DPYD: variants seen among roughly 807,000 people sequenced by gnomAD.
DPYD encodes the protein dihydropyrimidine dehydrogenase [NADP(+)].
Under a neutral mutation model 116.2 loss-of-function variants are expected in DPYD, and 109 were observed. The ratio of observed to expected loss-of-function variants is 0.94; its 90% CI spans 0.80 to 1.10. The LOEUF (loss-of-function observed/expected upper bound fraction) is 1.10, where lower values mean the gene tolerates loss of function less well. Ranked by LOEUF, DPYD falls within the 50% of genes least tolerant of loss-of-function variation. The pLI, the probability that DPYD is intolerant of heterozygous loss-of-function variation, is 0.00. For missense variants in DPYD, 1,302 were observed against 1,254.5 expected (o/e 1.04, Z -0.57); for synonymous variants, 440 against 432.0 (o/e 1.02, Z -0.23).
At chr1:97,873,782 C>A (rs959032469) in intron 2 of DPYD, among the ~76,000 whole-genome samples, 10 of 151,884 alleles carry the variant, frequency 6.6e-5, no homozygotes, top group Non-Finnish European at 1.0e-4. Context: ...GTTTAACACA[C>A]ACTAAGATTT....
intron 13 of DPYD, among the ~76,000 whole-genome samples, chr1:97,481,919 T>C (rs1031194149): frequency 3.4e-4 from 52 of 152,100 alleles, no homozygotes; most frequent in African/African-American, 1.2e-3. Context: ...GACACACACA[T>C]ACAAACATTT....
chr1:97,746,430 A>C (rs112483475), intron 3 of DPYD, among the ~76,000 whole-genome samples: 2,009 of 152,230 alleles, frequency 0.013, 41 homozygotes, highest in African/African-American at 0.045. Context: ...CAAGCAAATA[A>C]AATATCTTCA....
intron 18 of DPYD, among the ~76,000 whole-genome samples, chr1:97,257,032 T>A (rs1663528108): frequency 6.6e-6 from 1 of 151,840 alleles, no homozygotes; most frequent in Admixed American, 6.6e-5. Flanking sequence ...TAAAAAGAAA[T>A]CAGAAGACTC....
In DPYD at chr1:97,301,251, A is replaced by G. The variant is rs1202173582; in HGVS notation, c.2299+4008T>C. On this transcript the variant is annotated intron_variant, in intron 18 of 22. Transcript: ENST00000370192. ...TTTATGAATTATTCAGAAATCAATA[A>G]TAAAGTTTATGTCTTAATACTGAAA... Among the ~76,000 whole-genome samples, 4 of 152,074 alleles carry G rather than the reference A, an allele frequency of 2.6e-5. No individual in the cohort carries two copies. The South Asian group carries it at 8.3e-4, about 31-fold the overall frequency.
chr1:97,663,716 T>C (rs536552980), intron 8 of DPYD, among the ~76,000 whole-genome samples: 1 of 152,340 alleles, frequency 6.6e-6, no homozygotes, highest in East Asian at 1.9e-4. Context: ...CATTGCCATG[T>C]GAAGTCTCCT....
intron 19 of DPYD, among the ~76,000 whole-genome samples, chr1:97,203,921 T>C (rs896553813): frequency 6.6e-6 from 1 of 151,764 alleles, no homozygotes; most frequent in Non-Finnish European, 1.5e-5. Context: ...GTTGGTGTGA[T>C]AGTTAATCTA....
chr1:97,794,099 A>G (rs1252075125), intron 3 of DPYD, among the ~76,000 whole-genome samples: 1 of 152,078 alleles, frequency 6.6e-6, no homozygotes, highest in Non-Finnish European at 1.5e-5. Context: ...CACTATGCCC[A>G]GCTAATTTTT....
chr1:97,556,963 G>C (rs1483079776), intron 11 of DPYD, among the ~76,000 whole-genome samples: 1 of 145,678 alleles, frequency 6.9e-6, no homozygotes, highest in Non-Finnish European at 1.5e-5. Context: ...CTAGTTTACA[G>C]TCCCACCAAC....
At chr1:97,867,270 C>T (rs567541819) in intron 2 of DPYD, among the ~76,000 whole-genome samples, 1 of 151,888 alleles carries the variant, frequency 6.6e-6, no homozygotes, top group East Asian at 1.9e-4. Flanking sequence ...TAACTCTGGA[C>T]CTCAGTTCTC....
At chr1:97,530,487 G>A (rs898579877) in intron 12 of DPYD, among the ~76,000 whole-genome samples, 3 of 152,032 alleles carry the variant, frequency 2.0e-5, no homozygotes, top group Non-Finnish European at 4.4e-5. Flanking sequence ...AAAGGGCTGG[G>A]ATTACAGGCG....
intron 20 of DPYD, among the ~76,000 whole-genome samples, chr1:97,168,362 T>C (rs1007195459): frequency 6.6e-6 from 1 of 152,202 alleles, no homozygotes; most frequent in Non-Finnish European, 1.5e-5. Context: ...TCCTGTTGTC[T>C]GGGTTCAAAT....
At chr1:97,237,916 T>A (rs1244683106) in intron 18 of DPYD, among the ~76,000 whole-genome samples, 1 of 152,170 alleles carries the variant, frequency 6.6e-6, no homozygotes, top group Non-Finnish European at 1.5e-5. Context: ...CCTCCACTGT[T>A]AGAAGACTAT....
intron 19 of DPYD, among the ~76,000 whole-genome samples, chr1:97,198,250 G>A (rs929880830): frequency 1.3e-5 from 2 of 151,764 alleles, no homozygotes; most frequent in South Asian, 2.1e-4. Flanking sequence ...CACTGGCAGG[G>A]GTGAATCTCA....
intron 18 of DPYD, among the ~76,000 whole-genome samples, chr1:97,268,085 T>G (rs1208547509): frequency 2.0e-5 from 3 of 152,186 alleles, no homozygotes; most frequent in Non-Finnish European, 4.4e-5. Flanking sequence ...ACTTGTTTCA[T>G]GTAAGTCCAA....
Position 97,699,432 on chromosome 1 carries a change from A to G in DPYD, c.599T>C (p.Ile200Thr). Residue 200 changes from isoleucine (I) to threonine (T), a missense_variant, in exon 6 of 23, where the codon ATA becomes ACA. Physicochemically the swap from Ile to Thr is moderately conservative, Grantham distance 89. Coordinates refer to ENST00000370192, the MANE Select transcript of DPYD (RefSeq NM_000110.4). The stretch of plus-strand genomic sequence containing the variant: ...TCGAGCCAAAAAGGAAGCACAACTT[A>G]TACTTGCAGGCCCAGCACCAAAAAG... ...IALFGAGPAS[I>T]SCASFLARLG... is the part of the protein sequence containing the mutation. 6.2e-7 allele frequency: 1 copy of G among 1,613,778 alleles called. No individual in the cohort carries two copies. The highest frequency in any genetic ancestry group is 8.5e-7 in the Non-Finnish European group (1 of 1,179,730).
chr1:97,656,966 ATTTTTTTTTT>A (rs71590230), intron 8 of DPYD, among the ~76,000 whole-genome samples: 2 of 116,514 alleles, frequency 1.7e-5, no homozygotes, highest in Admixed American at 9.1e-5. Flanking sequence ...GCATGATTGT[ATTTTTTTTTT>A]TTTTTTTTTT....
intron 3 of DPYD, among the ~76,000 whole-genome samples, chr1:97,761,524 A>G (rs61786604): frequency 0.16 from 23,877 of 152,104 alleles, 2,191 homozygotes; most frequent in Non-Finnish European, 0.21. Context: ...CCAAAAAGTA[A>G]CAGATGCTGG....
chr1:97,168,081 C>T (rs912453589), intron 20 of DPYD, among the ~76,000 whole-genome samples: 8 of 152,178 alleles, frequency 5.3e-5, no homozygotes, highest in African/African-American at 1.9e-4. Flanking sequence ...CATATATTCA[C>T]AGATTCTAAT....
In DPYD at chr1:97,195,796, A is replaced by C. The variant is rs910397139; in HGVS notation, c.2443-2548T>G. ...CTAGCACTTAAAAGGAAGGCTAAGG[A>C]AGATGATCGTGAGGGACACCGAGCA... On this transcript the variant is annotated intron_variant, in intron 19 of 22. Coordinates refer to ENST00000370192, the MANE Select transcript of DPYD (RefSeq NM_000110.4). 2.7e-3 allele frequency among the ~76,000 whole-genome samples: 399 copies of C among 149,896 alleles called. 2 individuals are homozygous for C. The highest frequency in any genetic ancestry group is 4.8e-3 in the Non-Finnish European group (323 of 67,504).
Sources: allele counts gnomAD v4.1 joint callset (sites outside exome capture counted in the v4.1 genomes callset), GRCh38; gene constraint gnomAD v4.1.1; transcripts MANE v1.5; gene names NCBI Gene and HGNC (gene_info 2026-07-23, HGNC 2026-07-21).